Variants in FBLN5 observed in about 807,000 individuals in gnomAD.
FBLN5 encodes the protein fibulin-5.
In FBLN5, 24 loss-of-function variants were observed where a neutral mutation model predicts 61.6. That is an observed-to-expected ratio of 0.39 (90% CI 0.28 to 0.55). The LOEUF is 0.55. Among genes scored for constraint, FBLN5 ranks in the 20% least tolerant of loss-of-function variants. The pLI is 0.65. For synonymous variants in FBLN5, 213 were observed against 219.8 expected (o/e 0.97, Z 0.27); for missense variants, 470 against 594.1 (o/e 0.79, Z 2.17).
chr14:91,894,412 A>AAAG (rs1555375896), intron 5 of FBLN5, among the ~76,000 whole-genome samples: 4 of 147,362 alleles, frequency 2.7e-5, no homozygotes, highest in African/African-American at 9.9e-5. Flanking sequence ...CAAAAAAAAA[A>AAAG]AAAAAAAAAA....
intron 4 of FBLN5, among the ~76,000 whole-genome samples, chr14:91,916,377 G>A (rs1891198319): frequency 6.6e-6 from 1 of 152,196 alleles, no homozygotes; most frequent in African/African-American, 2.4e-5. Context: ...AACGTGGGAG[G>A]CGGAGGTTGC....
rs1247719454 is a variant in FBLN5 at position 91,947,034 on chromosome 14, A to C, written c.17+179T>G. ...TACCCACTCCCAAAAGAACGCTTCA[A>C]GATGGAAATTACAGAGGCGCAGCTT... On this transcript the variant is annotated intron_variant, in intron 1 of 10. Coordinates refer to ENST00000342058, the MANE Select transcript of FBLN5 (RefSeq NM_006329.4). This position sits in a 1 kb window ranked among gnomAD's most constrained non-coding sequence, Gnocchi z 4.3. 2.0e-6 allele frequency: 3 copies of C among 1,533,648 alleles called. No homozygotes were observed. The African/African-American group carries it at 4.2e-5, about 21-fold the overall frequency.
At chr14:91,893,830 G>A (rs1023215310) in intron 5 of FBLN5, among the ~76,000 whole-genome samples, 13 of 152,244 alleles carry the variant, frequency 8.5e-5, no homozygotes, top group Non-Finnish European at 1.9e-4. Context: ...GGCCATAGCC[G>A]GTGGGGTGGG....
intron 4 of FBLN5, among the ~76,000 whole-genome samples, chr14:91,933,363 C>T (rs1192958925): frequency 6.6e-6 from 1 of 152,124 alleles, no homozygotes; most frequent in Non-Finnish European, 1.5e-5. Flanking sequence ...CAACCTCCAC[C>T]TCCTGGGTTC....
At chr14:91,906,660 C>A (rs1890697612) in intron 4 of FBLN5, among the ~76,000 whole-genome samples, 1 of 152,258 alleles carries the variant, frequency 6.6e-6, no homozygotes, top group African/African-American at 2.4e-5. Flanking sequence ...TCCCAGCCAC[C>A]CCTCTATGGG....
chr14:91,887,732 T>C (rs1345407146), intron 6 of FBLN5, among the ~76,000 whole-genome samples: 6 of 152,124 alleles, frequency 3.9e-5, no homozygotes, highest in African/African-American at 1.4e-4. Context: ...CAAATAACCA[T>C]GATGATTCTA....
chr14:91,927,333 G>A (rs2055846182), intron 4 of FBLN5, among the ~76,000 whole-genome samples: 4 of 152,136 alleles, frequency 2.6e-5, no homozygotes, highest in Admixed American at 2.0e-4. Flanking sequence ...ATTACAGCAG[G>A]GTTGGGGGTG....
chr14:91,871,454 T>G (rs1348282858), intron 10 of FBLN5, among the ~76,000 whole-genome samples: 3 of 152,122 alleles, frequency 2.0e-5, no homozygotes, highest in Non-Finnish European at 4.4e-5. Flanking sequence ...CTCCACTGAG[T>G]CTTTTTCTAA....
intron 4 of FBLN5, among the ~76,000 whole-genome samples, chr14:91,916,278 TCTACAAAAAGA>T (rs1312295995): frequency 6.6e-6 from 1 of 152,108 alleles, no homozygotes; most frequent in Non-Finnish European, 1.5e-5. Flanking sequence ...AAACCCCATC[TCTACAAAAAGA>T]ATACAAAAAT....
At chr14:91,914,146 C>T (rs1891080681) in intron 4 of FBLN5, among the ~76,000 whole-genome samples, 1 of 151,796 alleles carries the variant, frequency 6.6e-6, no homozygotes, top group Admixed American at 6.6e-5. Context: ...AGTTCGAGAC[C>T]AGCCTGAGAA....
intron 6 of FBLN5, 60 bp from the exon 7 acceptor site, chr14:91,887,372 G>C: frequency 6.3e-7 from 1 of 1,582,434 alleles, no homozygotes; most frequent in Non-Finnish European, 8.6e-7. Context: ...ACAATAACTA[G>C]GCAGAAAAAG....
At chr14:91,922,490 C>G (rs932289441) in intron 4 of FBLN5, among the ~76,000 whole-genome samples, 1 of 152,114 alleles carries the variant, frequency 6.6e-6, no homozygotes, top group Non-Finnish European at 1.5e-5. Context: ...AATGAAAGGA[C>G]TCATGGCAGT....
chr14:91,888,189 C>T (rs1889816165), intron 6 of FBLN5, among the ~76,000 whole-genome samples: 3 of 151,866 alleles, frequency 2.0e-5, no homozygotes, highest in Admixed American at 2.0e-4. Context: ...GTCCCAGCTA[C>T]CCGGGAGGCT....
At chr14:91,872,891 T>C (rs549624531) in intron 10 of FBLN5, among the ~76,000 whole-genome samples, 1 of 152,292 alleles carries the variant, frequency 6.6e-6, no homozygotes, top group East Asian at 1.9e-4. Context: ...TTGAGAACCC[T>C]GAGCTAGGGA....
At position 91,894,061 on chromosome 14, in the gene FBLN5, T is replaced by C. The variant is rs1244641826; in HGVS notation, c.502+889A>G. Among the ~76,000 whole-genome samples the C allele has an allele frequency of 7.2e-5, 11 of 152,238 alleles. No homozygotes were observed. In the South Asian group the frequency reaches 2.1e-3, roughly 29 times the overall value. On this transcript the variant is annotated intron_variant, in intron 5 of 10. Coordinates refer to ENST00000342058, the MANE Select transcript of FBLN5 (RefSeq NM_006329.4). ...CGTGAAGACAGGAAGAAAGTCAAGG[T>C]AAAATCAAACTTAAAAAATACATCC...
intron 3 of FBLN5, among the ~76,000 whole-genome samples, chr14:91,939,637 C>T (rs1167772934): frequency 2.0e-5 from 3 of 152,300 alleles, no homozygotes; most frequent in African/African-American, 4.8e-5. Flanking sequence ...CCACCGCACC[C>T]GGCCCCATCG....
At chr14:91,896,586 A>C (rs993932692) in intron 4 of FBLN5, among the ~76,000 whole-genome samples, 4 of 152,094 alleles carry the variant, frequency 2.6e-5, no homozygotes, top group Non-Finnish European at 5.9e-5. Context: ...CATTTTACAG[A>C]TGGGAAAACT....
intron 9 of FBLN5, among the ~76,000 whole-genome samples, chr14:91,879,947 A>G (rs1889343496): frequency 6.6e-6 from 1 of 152,214 alleles, no homozygotes; most frequent in Admixed American, 6.5e-5. Flanking sequence ...CCAAGGAGGA[A>G]CTGAGATGGT....
At chr14:91,903,217 T>C (rs896270919) in intron 4 of FBLN5, among the ~76,000 whole-genome samples, 1 of 152,212 alleles carries the variant, frequency 6.6e-6, no homozygotes, top group African/African-American at 2.4e-5. Flanking sequence ...TCTAGCACAG[T>C]CTAGCCAAAA....
Sources: allele counts gnomAD v4.1 joint callset (sites outside exome capture counted in the v4.1 genomes callset), GRCh38; gene constraint gnomAD v4.1.1; non-coding constraint Gnocchi (gnomAD v3.1); transcripts MANE v1.5; gene names NCBI Gene and HGNC (gene_info 2026-07-23, HGNC 2026-07-21).